DGKB: variants seen among roughly 807,000 people sequenced by gnomAD.
The protein encoded by DGKB is diacylglycerol kinase beta.
A neutral mutation model predicts 114.3 loss-of-function variants in DGKB; 67 were observed. The observed-to-expected ratio is 0.59, with a 90% CI of 0.48 to 0.72. The LOEUF is 0.72. Among genes scored for constraint, DGKB ranks in the 30% least tolerant of loss-of-function variants. The probability of loss-of-function intolerance (pLI) is 0.00; values close to 1 mark genes in which losing one functional copy is unlikely to be tolerated. For missense variants in DGKB, 907 were observed against 975.2 expected, an observed-to-expected ratio of 0.93 and a Z score of 0.93; for synonymous variants, 398 against 323.1, an observed-to-expected ratio of 1.23 and a Z score of -2.49.
At chr7:14,728,096 T>C (rs1239370975) in intron 5 of DGKB, among the ~76,000 whole-genome samples, 1 of 152,192 alleles carries the variant, frequency 6.6e-6, no homozygotes, top group Non-Finnish European at 1.5e-5. Context: ...CTATTGATAT[T>C]ATAGCTTATT....
At chr7:14,655,070 G>A (rs1049430067) in intron 13 of DGKB, among the ~76,000 whole-genome samples, 2 of 151,614 alleles carry the variant, frequency 1.3e-5, no homozygotes, top group African/African-American at 4.8e-5. Flanking sequence ...GCTCAGCGAA[G>A]GAAACAATCA....
intron 4 of DGKB, among the ~76,000 whole-genome samples, chr7:14,750,760 G>C (rs528650718): frequency 4.1e-4 from 58 of 142,138 alleles, no homozygotes; most frequent in African/African-American, 1.2e-3. Context: ...GTACCCTGCA[G>C]TGTTCTTTCC....
intron 9 of DGKB, among the ~76,000 whole-genome samples, chr7:14,690,840 T>C (rs2128988738): frequency 6.6e-6 from 1 of 152,346 alleles, no homozygotes; most frequent in South Asian, 2.1e-4. Context: ...ATGAGATGAA[T>C]TCTGAAGGAA....
intron 21 of DGKB, among the ~76,000 whole-genome samples, chr7:14,465,756 G>T (rs1833737595): frequency 6.6e-6 from 1 of 152,066 alleles, no homozygotes; most frequent in Non-Finnish European, 1.5e-5. Flanking sequence ...ATATCTGGGG[G>T]AAAGAAGAGG....
At chr7:14,832,075 T>C (rs1307451769) in intron 2 of DGKB, among the ~76,000 whole-genome samples, 1 of 152,134 alleles carries the variant, frequency 6.6e-6, no homozygotes, top group Non-Finnish European at 1.5e-5. Flanking sequence ...GTTTGCAGTT[T>C]ACAATGCATT....
chr7:14,723,611 G>A lies in DGKB; in HGVS notation c.323-4926C>T, dbSNP rs529125434. Among the ~76,000 whole-genome samples, 26 of 151,328 alleles carry A rather than the reference G, an allele frequency of 1.7e-4. 2 individuals carry two copies. In the South Asian group the frequency reaches 5.0e-3, roughly 29 times the overall value. ...TATACACATACACACACATATATAT[G>A]TGTATGTATATACTACAATAGTACA... is the stretch of plus-strand genomic sequence containing the variant. On this transcript the variant is annotated intron_variant, in intron 5 of 25. Coordinates refer to ENST00000402815, the MANE Select transcript of DGKB (RefSeq NM_001350709.2).
intron 15 of DGKB, among the ~76,000 whole-genome samples, chr7:14,619,394 A>T (rs1277728316): frequency 6.6e-6 from 1 of 151,694 alleles, no homozygotes; most frequent in Admixed American, 6.6e-5. Context: ...TTAAAATAGA[A>T]AATAAAATCA....
intron 23 of DGKB, chr7:14,209,122 C>T (rs1787317177): frequency 9.7e-6 from 2 of 205,580 alleles, no homozygotes; most frequent in Non-Finnish European, 2.0e-5. Context: ...ACAAGCAGTC[C>T]TTATATATTG....
In DGKB at chr7:14,787,178, G is replaced by C. The variant is rs533787196; in HGVS notation, c.71-29447C>G. On this transcript the variant is annotated intron_variant, in intron 2 of 25. Coordinates refer to ENST00000402815, the MANE Select transcript of DGKB (RefSeq NM_001350709.2). ...TTCCCAGATACGGGCCAAGAACTCA[G>C]GACCAGCTTAAGCAACAACAGTAGG... 2.6e-5 allele frequency among the ~76,000 whole-genome samples: 4 copies of C among 152,274 alleles called. No homozygotes were observed. The East Asian group carries it at 7.7e-4, about 29-fold the overall frequency.
intron 1 of DGKB, among the ~76,000 whole-genome samples, chr7:14,950,951 TTAATA>T (rs1416158199): frequency 6.6e-6 from 1 of 151,878 alleles, no homozygotes; most frequent in African/African-American, 2.4e-5. Flanking sequence ...CAAACATCAT[TTAATA>T]TAATATATCA....
At chr7:14,195,278 C>T (rs999382231) in intron 23 of DGKB, among the ~76,000 whole-genome samples, 3 of 152,108 alleles carry the variant, frequency 2.0e-5, no homozygotes, top group Admixed American at 6.6e-5. Context: ...TGAGCTACTT[C>T]ACGTGTCTCC....
chr7:14,631,263 C>CAAAAAAA (rs35088925), intron 13 of DGKB, among the ~76,000 whole-genome samples: 18 of 98,364 alleles, frequency 1.8e-4, no homozygotes, highest in African/African-American at 2.8e-4. Context: ...CAGCAAGAAC[C>CAAAAAAA]AAAAAAAAAA....
At chr7:14,931,345 C>T (rs1587404930) in intron 1 of DGKB, among the ~76,000 whole-genome samples, 1 of 152,028 alleles carries the variant, frequency 6.6e-6, no homozygotes, top group Non-Finnish European at 1.5e-5. Context: ...CTCCTGACCT[C>T]GTGATCCACC....
At chr7:14,331,425 A>G (rs17712036) in intron 23 of DGKB, among the ~76,000 whole-genome samples, 31,929 of 151,800 alleles carry the variant, frequency 0.21, 4,040 homozygotes, top group Non-Finnish European at 0.29. Context: ...CATCATCTAC[A>G]GTTCTAAAAT....
At chr7:14,253,939 A>G (rs1005787112) in intron 23 of DGKB, among the ~76,000 whole-genome samples, 4 of 152,224 alleles carry the variant, frequency 2.6e-5, no homozygotes, top group African/African-American at 4.8e-5. Flanking sequence ...TGCCTAGGTT[A>G]TAAAGGTTAT....
Position 14,697,126 on chromosome 7 carries a change from T to C in DGKB, c.591+969A>G, listed in dbSNP as rs191167805. On this transcript the variant is annotated intron_variant, in intron 8 of 25. Coordinates refer to ENST00000402815, the MANE Select transcript of DGKB (RefSeq NM_001350709.2). The stretch of plus-strand genomic sequence containing the variant: ...CAAAGTTATGGTTTCAAGTCAAGTA[T>C]ATTTTAATATGTATTTTAATAATGT... Among the ~76,000 whole-genome samples the C allele has an allele frequency of 1.7e-3, 258 of 152,334 alleles. 2 individuals carry two copies. Among genetic ancestry groups the C allele is most frequent in the South Asian group, 7.2e-3 (35 of 4,830 alleles).
At chr7:14,529,748 C>G (rs141333142) in intron 20 of DGKB, among the ~76,000 whole-genome samples, 1 of 151,724 alleles carries the variant, frequency 6.6e-6, no homozygotes, top group African/African-American at 2.4e-5. Context: ...TCTACTTTCT[C>G]CAACAGGTCC....
At chr7:14,377,808 T>C (rs1187248095) in intron 21 of DGKB, among the ~76,000 whole-genome samples, 2 of 152,142 alleles carry the variant, frequency 1.3e-5, no homozygotes, top group Non-Finnish European at 2.9e-5. Context: ...CAAATCCAGT[T>C]TCCAGTTCCC....
intron 23 of DGKB, among the ~76,000 whole-genome samples, chr7:14,323,431 C>G (rs780032741): frequency 6.6e-6 from 1 of 152,028 alleles, no homozygotes; most frequent in African/African-American, 2.4e-5. Context: ...TTTATGACAG[C>G]GTTCAGTTTC....
Sources: allele counts gnomAD v4.1 joint callset (sites outside exome capture counted in the v4.1 genomes callset), GRCh38; gene constraint gnomAD v4.1.1; transcripts MANE v1.5; gene names NCBI Gene and HGNC (gene_info 2026-07-23, HGNC 2026-07-21).